The following RABL2B variants were observed in gnomAD, a reference collection of about 807,000 sequenced individuals.
RABL2B encodes the protein rab-like protein 2B.
Under a neutral mutation model 26.7 loss-of-function variants are expected in RABL2B, and 17 were observed. That is an observed-to-expected ratio of 0.64 (90% CI 0.44 to 0.95). The LOEUF is 0.95. Ranked by LOEUF, RABL2B falls within the 40% of genes least tolerant of loss-of-function variation. The probability of loss-of-function intolerance (pLI) is 0.00; values close to 1 mark genes in which losing one functional copy is unlikely to be tolerated. For synonymous variants in RABL2B, 70 were observed against 103.9 expected, an observed-to-expected ratio of 0.67 and a Z score of 1.99; for missense variants, 170 against 277.2, an observed-to-expected ratio of 0.61 and a Z score of 2.75.
At chr22:50,775,532 G>A (rs1480680755) in intron 5 of RABL2B, among the ~76,000 whole-genome samples, 2 of 152,250 alleles carry the variant, frequency 1.3e-5, no homozygotes, top group East Asian at 3.9e-4. Context: ...ACCTGATGTT[G>A]AAGCCCTGAG....
intron 3 of RABL2B, 25 bp from the exon 4 acceptor site, chr22:50,776,774 T>C (rs781972044): frequency 1.3e-6 from 2 of 1,591,936 alleles, no homozygotes; most frequent in Non-Finnish European, 1.7e-6. Context: ...AGGAGCAAAA[T>C]CAATAAAAGG....
intron 5 of RABL2B, among the ~76,000 whole-genome samples, chr22:50,774,030 G>A (rs1376015986): frequency 8.0e-4 from 122 of 152,162 alleles, no homozygotes; most frequent in African/African-American, 2.8e-3. Context: ...CAGTAGCTAG[G>A]ACTACAGGCG....
intron 5 of RABL2B, chr22:50,772,287 C>T: frequency 1.0e-6 from 1 of 980,990 alleles, no homozygotes; most frequent in Non-Finnish European, 1.2e-6. Flanking sequence ...CCTAGGCCTC[C>T]CAAAGTACTG....
chr22:50,782,457 G>T, intron 1 of RABL2B, 110 bp from the exon 2 acceptor site: 2 of 1,475,370 alleles, frequency 1.4e-6, no homozygotes, highest in East Asian at 2.3e-5. Flanking sequence ...CTGAGATATG[G>T]TATGCAATTG....
In RABL2B at chr22:50,768,470, C is replaced by T. The variant is rs1266857081; in HGVS notation, c.*306G>A. On this transcript the variant is annotated 3_prime_UTR_variant, in exon 9 of 9. Transcript: ENST00000691320. The stretch of plus-strand genomic sequence containing the variant: ...CTAAATTTCCTGTATTAAAGTGACA[C>T]ATAATCATGTTTTCTGATTCTCTTC... 1.6e-5 allele frequency: 8 copies of T among 485,838 alleles called. No homozygotes were observed. The highest frequency in any genetic ancestry group is 1.4e-4 in the African/African-American group (7 of 50,542). The allele number at this position is 485,838 out of a possible 1,614,324, so 30.1% of individuals were successfully genotyped here.
chr22:50,781,115 C>A (rs1281018491), intron 2 of RABL2B, among the ~76,000 whole-genome samples: 1 of 151,848 alleles, frequency 6.6e-6, no homozygotes, highest in Admixed American at 6.6e-5. Flanking sequence ...CTGAGGTGGG[C>A]GGATCACAAG....
At chr22:50,770,956 C>T (rs1422246233) in intron 5 of RABL2B, among the ~76,000 whole-genome samples, 1 of 148,350 alleles carries the variant, frequency 6.7e-6, no homozygotes, top group African/African-American at 2.5e-5. Context: ...TACCCAGGCT[C>T]ATCTCAAACT....
In RABL2B at chr22:50,776,760, G is replaced by A. The variant is rs2085051429; in HGVS notation, c.138-11C>T. On this transcript the variant is annotated splice_polypyrimidine_tract_variant and intron_variant, in intron 3 of 8. Coordinates refer to ENST00000691320, the MANE Select transcript of RABL2B (RefSeq NM_001130919.3). ...AGCTGCTGTGGCTGACTGCACTCAG[G>A]TTAAGGAGCAAAATCAATAAAAGGG... 1 of 1,601,608 alleles carries A rather than the reference G, an allele frequency of 6.2e-7. No homozygotes were observed. Among genetic ancestry groups the A allele is most frequent in the East Asian group, 2.3e-5 (1 of 44,246 alleles).
intron 2 of RABL2B, among the ~76,000 whole-genome samples, chr22:50,779,149 T>G (rs2085421886): frequency 6.6e-6 from 1 of 150,436 alleles, no homozygotes; most frequent in South Asian, 2.1e-4. Context: ...AGTGGAAGAA[T>G]AAAAACACAG....
At chr22:50,769,633 C>T in intron 6 of RABL2B, 81 bp from the exon 7 acceptor site, 1 of 1,599,312 alleles carries the variant, frequency 6.3e-7, no homozygotes, top group Non-Finnish European at 8.6e-7. Flanking sequence ...TGGAGGCCTT[C>T]ATTCCAGAAA....
intron 3 of RABL2B, among the ~76,000 whole-genome samples, chr22:50,777,374 T>G (rs1555925221): frequency 6.7e-6 from 1 of 148,186 alleles, no homozygotes; most frequent in African/African-American, 2.5e-5. Context: ...CAACTGAGCC[T>G]TGGGGTGCCG....
At chr22:50,776,867 A>G in intron 3 of RABL2B, 118 bp from the exon 4 acceptor site, 8 of 1,464,602 alleles carry the variant, frequency 5.5e-6, no homozygotes, top group Non-Finnish European at 3.7e-6. Context: ...GGAGTTATTG[A>G]GATTTTAAAT....
At chr22:50,777,880 G>C in intron 3 of RABL2B, 72 bp downstream of exon 3, 1 of 1,609,192 alleles carries the variant, frequency 6.2e-7, no homozygotes, top group Non-Finnish European at 8.5e-7. Context: ...AAAGGTGTGG[G>C]CAGTGGGACA....
At chr22:50,776,614 C>G in intron 4 of RABL2B, 56 bp downstream of exon 4, 2 of 1,556,268 alleles carry the variant, frequency 1.3e-6, no homozygotes, top group Non-Finnish European at 1.7e-6. Flanking sequence ...CACCTCCCCT[C>G]GTCTCCCATT....
chr22:50,782,618 G>A (rs1184321302), intron 1 of RABL2B, among the ~76,000 whole-genome samples: 2 of 151,894 alleles, frequency 1.3e-5, no homozygotes, highest in Non-Finnish European at 2.9e-5. Flanking sequence ...AAGGCTGTGT[G>A]CAACATTATG....
intron 5 of RABL2B, chr22:50,772,626 G>A (rs527851508): frequency 9.8e-6 from 10 of 1,016,586 alleles, no homozygotes; most frequent in East Asian, 8.6e-5. Flanking sequence ...GTGTGGTGGC[G>A]GGAGGGTCAG....
intron 2 of RABL2B, among the ~76,000 whole-genome samples, chr22:50,779,071 G>T (rs2085407640): frequency 6.6e-6 from 1 of 151,088 alleles, no homozygotes; most frequent in Non-Finnish European, 1.5e-5. Context: ...TGTCTTGAGA[G>T]GGCACATGCT....
At chr22:50,774,378 G>T (rs549994597) in intron 5 of RABL2B, among the ~76,000 whole-genome samples, 26 of 151,312 alleles carry the variant, frequency 1.7e-4, no homozygotes, top group Admixed American at 9.2e-4. Context: ...AAGTCCCACC[G>T]GGTTCTCTTT....
intron 2 of RABL2B, among the ~76,000 whole-genome samples, chr22:50,779,637 G>T (rs2085494743): frequency 6.6e-6 from 1 of 151,934 alleles, no homozygotes; most frequent in South Asian, 2.1e-4. Flanking sequence ...AGCTATCAAA[G>T]AAAAAAGACA....
Sources: allele counts gnomAD v4.1 joint callset (sites outside exome capture counted in the v4.1 genomes callset), GRCh38; gene constraint gnomAD v4.1.1; transcripts MANE v1.5; gene names NCBI Gene and HGNC (gene_info 2026-07-23, HGNC 2026-07-21).